The following MRRF variants were observed in gnomAD, a reference collection of about 807,000 sequenced individuals.
MRRF encodes the protein ribosome-recycling factor, mitochondrial.
In MRRF, 18 loss-of-function variants were observed where a neutral mutation model predicts 25.1. The observed-to-expected ratio is 0.72, with a 90% CI of 0.50 to 1.06. The LOEUF (loss-of-function observed/expected upper bound fraction) is 1.06, where lower values mean the gene tolerates loss of function less well. Ranked by LOEUF, MRRF falls within the 50% of genes least tolerant of loss-of-function variation. The pLI, the probability that MRRF is intolerant of heterozygous loss-of-function variation, is 0.00. For missense variants in MRRF, 323 were observed against 319.3 expected, an observed-to-expected ratio of 1.01 and a Z score of -0.09; for synonymous variants, 113 against 112.1, an observed-to-expected ratio of 1.01 and a Z score of -0.05.
At chr9:122,268,694 T>G (rs1832268189) in intron 1 of MRRF, among the ~76,000 whole-genome samples, 1 of 152,222 alleles carries the variant, frequency 6.6e-6, no homozygotes, top group African/African-American at 2.4e-5. Context: ...AGTCCAAACT[T>G]GACCTCAATT....
At chr9:122,283,970 TTG>T (rs1833232946) in intron 3 of MRRF, among the ~76,000 whole-genome samples, 1 of 100,594 alleles carries the variant, frequency 9.9e-6, no homozygotes, top group Non-Finnish European at 1.8e-5. Context: ...AATAGTTTTG[TTG>T]TTGTTGTTGT....
At chr9:122,278,986 C>T (rs748120114) in intron 2 of MRRF, among the ~76,000 whole-genome samples, 1 of 152,158 alleles carries the variant, frequency 6.6e-6, no homozygotes, top group Non-Finnish European at 1.5e-5. Context: ...GATTCTCCTG[C>T]CCCAGCCTCC....
chr9:122,267,098 G>T (rs370166076), intron 1 of MRRF, among the ~76,000 whole-genome samples: 1 of 146,304 alleles, frequency 6.8e-6, no homozygotes, highest in African/African-American at 2.5e-5. Context: ...AAAAAATTCA[G>T]GCCGGCGCAG....
rs550468394 is a variant in MRRF, at chr9:122,290,495, T to C, written c.460-1254T>C. 7.2e-5 allele frequency among the ~76,000 whole-genome samples: 11 copies of C among 152,332 alleles called. No individual in the cohort carries two copies. The South Asian group carries it at 2.3e-3, about 32-fold the overall frequency. ...GTTCTGGTTTGTCTTTGTGACCTTA[T>C]AGTAACACCTCAGGTAGCCGTAGCA... On this transcript the variant is annotated intron_variant, in intron 4 of 6. Coordinates refer to ENST00000344641, the MANE Select transcript of MRRF (RefSeq NM_138777.5).
chr9:122,309,140 G>C (rs1444222675), intron 5 of MRRF, among the ~76,000 whole-genome samples: 2 of 152,044 alleles, frequency 1.3e-5, no homozygotes, highest in Non-Finnish European at 2.9e-5. Context: ...CATACAATAT[G>C]TGTCTCTGTG....
chr9:122,319,424 A>G (rs1835740366), intron 6 of MRRF, among the ~76,000 whole-genome samples: 1 of 152,170 alleles, frequency 6.6e-6, no homozygotes, highest in South Asian at 2.1e-4. Context: ...TGCTGGGATT[A>G]CAACCACTGA....
chr9:122,320,701 G>C (rs1375102562), intron 6 of MRRF, among the ~76,000 whole-genome samples: 1 of 152,246 alleles, frequency 6.6e-6, no homozygotes, highest in Non-Finnish European at 1.5e-5. Flanking sequence ...GCTATGGTGA[G>C]AGCCTGGCCA....
intron 1 of MRRF, among the ~76,000 whole-genome samples, chr9:122,270,234 A>G (rs529076678): frequency 4.7e-4 from 71 of 152,220 alleles, no homozygotes; most frequent in Non-Finnish European, 9.4e-4. Flanking sequence ...TCCATGGTCA[A>G]AGACCTCAGA....
intron 5 of MRRF, among the ~76,000 whole-genome samples, chr9:122,311,601 TGA>T (rs2118957870): frequency 6.6e-6 from 1 of 152,346 alleles, no homozygotes; most frequent in African/African-American, 2.4e-5. Context: ...AAGATTTTTT[TGA>T]GTCTCATTTT....
chr9:122,296,193 G>A (rs1401885312), intron 5 of MRRF, among the ~76,000 whole-genome samples: 2 of 151,980 alleles, frequency 1.3e-5, no homozygotes, highest in Non-Finnish European at 2.9e-5. Flanking sequence ...GAGTCTTAGG[G>A]GCTCTGGATT....
intron 3 of MRRF, among the ~76,000 whole-genome samples, chr9:122,283,864 A>G (rs985514908): frequency 6.6e-6 from 1 of 152,102 alleles, no homozygotes; most frequent in African/African-American, 2.4e-5. Context: ...CTGTGGCTTT[A>G]TTGCTTGCCT....
intron 1 of MRRF, among the ~76,000 whole-genome samples, chr9:122,266,447 A>C (rs1273010971): frequency 6.6e-6 from 1 of 152,238 alleles, no homozygotes; most frequent in Non-Finnish European, 1.5e-5. Context: ...AAGGAGATTC[A>C]ATGGCATGTT....
At position 122,323,407 on chromosome 9, in the gene MRRF, T is replaced by C. The variant is rs1836004746; in HGVS notation, c.*790T>C. On this transcript the variant is annotated 3_prime_UTR_variant, in exon 7 of 7. Coordinates refer to ENST00000344641, the MANE Select transcript of MRRF (RefSeq NM_138777.5). The stretch of plus-strand genomic sequence containing the variant: ...AGAACTTTGTGTAATGCCTGGAGCA[T>C]AGTAGGCAGTCATATGTTGTATCGT... The C allele has an allele frequency of 6.6e-6, 1 of 152,422 alleles. No homozygotes were observed. Among genetic ancestry groups the C allele is most frequent in the Non-Finnish European group, 1.5e-5 (1 of 68,182 alleles). 9.4% of individuals were successfully genotyped at this position (152,422 alleles called of 1,614,324 possible). A position where few individuals can be genotyped will look rare whatever the true frequency, so the allele number is the denominator to read the frequency against.
chr9:122,321,991 G>A (rs1464912040), intron 6 of MRRF, among the ~76,000 whole-genome samples: 1 of 152,130 alleles, frequency 6.6e-6, no homozygotes, highest in Non-Finnish European at 1.5e-5. Context: ...CGATCTAAAT[G>A]CCTCAGTTTT....
intron 3 of MRRF, among the ~76,000 whole-genome samples, chr9:122,284,057 A>T (rs114085566): frequency 3.9e-4 from 59 of 152,208 alleles, no homozygotes; most frequent in African/African-American, 1.4e-3. Context: ...GAAGGGTCGT[A>T]TAAGCAAATG....
At position 122,328,839 on chromosome 9, in the gene MRRF, G is replaced by GTCTC. The variant is rs370113178; in HGVS notation, c.*6236_*6239dup. 1 of 151,248 alleles carries GTCTC rather than the reference G, an allele frequency of 6.6e-6. No homozygotes were observed. The highest frequency in any genetic ancestry group is 2.4e-5 in the African/African-American group (1 of 41,156). 9.4% of individuals were successfully genotyped at this position (151,248 alleles called of 1,614,324 possible). Reference sequence around the variant, plus strand: ...AGTGATTATCTCTGTCTGCCTCTTTGTCTCTCTCTCTCTCTCTTTTTTTTT... The same window carrying GTCTC: ...AGTGATTATCTCTGTCTGCCTCTTTGTCTCTCTCTCTCTCTCTCTCTTTTTTTTT... On this transcript the variant is annotated 3_prime_UTR_variant, in exon 7 of 7. Transcript: ENST00000344641.
Position 122,326,904 on chromosome 9 carries a change from G to T in MRRF, c.*4287G>T, listed in dbSNP as rs1293748146. ...TTGCCCAAGGTCACACAGGTAGTAA[G>T]TGCTAGAATGAAATTTCAAACCCAC... On this transcript the variant is annotated 3_prime_UTR_variant, in exon 7 of 7. Coordinates refer to ENST00000344641, the MANE Select transcript of MRRF (RefSeq NM_138777.5). 4 of 152,202 alleles carry T rather than the reference G, an allele frequency of 2.6e-5. No homozygotes were observed. The highest frequency in any genetic ancestry group is 5.9e-5 in the Non-Finnish European group (4 of 68,038). 9.4% of individuals were successfully genotyped at this position (152,202 alleles called of 1,614,324 possible).
At chr9:122,302,897 A>G (rs560629096) in intron 5 of MRRF, among the ~76,000 whole-genome samples, 1 of 152,256 alleles carries the variant, frequency 6.6e-6, no homozygotes, top group African/African-American at 2.4e-5. Flanking sequence ...ATCATCCTAG[A>G]GGCTGTGGAG....
intron 6 of MRRF, 69 bp downstream of exon 6, chr9:122,313,455 T>C: frequency 1.3e-6 from 2 of 1,529,994 alleles, no homozygotes; most frequent in South Asian, 2.2e-5. Context: ...ATGTTTGAGG[T>C]GAGGACAGTT....
Sources: gnomAD v4.1 joint callset for allele counts (sites outside exome capture counted in the v4.1 genomes callset) on GRCh38, gnomAD v4.1.1 for gene constraint, MANE v1.5 for transcripts, NCBI Gene and HGNC (gene_info 2026-07-23, HGNC 2026-07-21) for gene names.